The following ELP1 variants were observed in gnomAD, a reference collection of about 807,000 sequenced individuals.
ELP1 encodes elongator complex protein 1.
In ELP1, 131 loss-of-function variants were observed where a neutral mutation model predicts 183.2. The observed-to-expected ratio is 0.72, with a 90% CI of 0.62 to 0.83. ELP1 has a LOEUF of 0.83. Ranked by LOEUF, ELP1 falls within the 40% of genes least tolerant of loss-of-function variation. The pLI is 0.00. For synonymous variants in ELP1, 555 were observed against 569.0 expected (o/e 0.98, Z 0.35); for missense variants, 1,550 against 1,594.9 (o/e 0.97, Z 0.48).
At chr9:108,917,483 A>C in intron 9 of ELP1, 64 bp downstream of exon 9, 2 of 1,552,568 alleles carry the variant, frequency 1.3e-6, no homozygotes, top group Non-Finnish European at 1.8e-6. Flanking sequence ...AAAAAAAAAA[A>C]AATTCCCTCT....
At chr9:108,923,360 C>G (rs1829722850) in intron 5 of ELP1, among the ~76,000 whole-genome samples, 1 of 151,476 alleles carries the variant, frequency 6.6e-6, no homozygotes, top group Non-Finnish European at 1.5e-5. Context: ...GGTAACACAG[C>G]GAGACCCCCA....
chr9:108,870,620 C>T (rs185335951), intron 36 of ELP1, among the ~76,000 whole-genome samples: 1 of 152,108 alleles, frequency 6.6e-6, no homozygotes, highest in Admixed American at 6.5e-5. Flanking sequence ...GAGGTGGGCA[C>T]ACTCAGTGTC....
chr9:108,931,052 G>A lies in ELP1; in HGVS notation c.95C>T (p.Thr32Met), dbSNP rs756305418. Residue 32 changes from threonine to methionine, a missense_variant, in exon 2 of 37, where the codon ACG (threonine) becomes ATG (methionine). By Grantham distance (81) the Thr-to-Met change is moderately conservative. Coordinates refer to ENST00000374647, the MANE Select transcript of ELP1 (RefSeq NM_003640.5). ...GCCATGTTCTGAACCAATGAGCACC[G>A]TCCCCTGTTCAGTTCGGAGAGAGAA... is the stretch of plus-strand genomic sequence containing the variant. ...QCFSLRTEQG[T>M]VLIGSEHGLI... 12 of 1,613,886 alleles carry A rather than the reference G, an allele frequency of 7.4e-6. No individual in the cohort carries two copies. The highest frequency in any genetic ancestry group is 6.7e-5 in the East Asian group (3 of 44,886).
chr9:108,932,888 A>G (rs1830045173), intron 1 of ELP1, among the ~76,000 whole-genome samples: 1 of 152,160 alleles, frequency 6.6e-6, no homozygotes, highest in Non-Finnish European at 1.5e-5. Flanking sequence ...TAAATGTGCT[A>G]AAGATCCCTC....
chr9:108,870,576 G>A (rs1827410835), intron 36 of ELP1, among the ~76,000 whole-genome samples: 1 of 152,120 alleles, frequency 6.6e-6, no homozygotes, highest in African/African-American at 2.4e-5. Context: ...TGGTAGAGAT[G>A]AAACAGGTAG....
intron 35 of ELP1, among the ~76,000 whole-genome samples, chr9:108,877,095 G>A (rs1012961370): frequency 2.0e-5 from 3 of 152,076 alleles, no homozygotes; most frequent in Non-Finnish European, 4.4e-5. Flanking sequence ...ACTTCTGTAC[G>A]CTTGGAACCA....
At chr9:108,875,632 C>A in intron 35 of ELP1, 1 of 332,150 alleles carries the variant, frequency 3.0e-6, no homozygotes, top group Non-Finnish European at 5.8e-6. Flanking sequence ...TGGTGGCTTA[C>A]ACCTGTAATC....
chr9:108,916,215 G>A lies in ELP1; in HGVS notation c.947C>T (p.Pro316Leu), dbSNP rs374814563. 9.4e-5 allele frequency: 151 copies of A among 1,613,762 alleles called. No individual in the cohort carries two copies. Among genetic ancestry groups the A allele is most frequent in the African/African-American group, 6.7e-4 (50 of 75,034 alleles). The change falls in exon 10 of 37, where the codon CCG becomes CTG. Residue 316 changes from proline (P) to leucine (L), a missense_variant. Physicochemically the swap from Pro to Leu is moderately conservative, Grantham distance 98. Coordinates refer to ENST00000374647, the MANE Select transcript of ELP1 (RefSeq NM_003640.5). ...EDLQREESSI[P>L]KTCVQLWTVG... ...TACAGCTGTCTTACCACAGGTTTTC[G>A]GAATGGAGCTTTCTTCTCTCTGAAG...
At position 108,903,633 on chromosome 9, in the gene ELP1, T is replaced by C. The variant is rs1381069076; in HGVS notation, c.1680A>G (p.Leu560=). 7 of 1,613,844 alleles carry C rather than the reference T, an allele frequency of 4.3e-6. No individual in the cohort carries two copies. Among genetic ancestry groups the C allele is most frequent in the Non-Finnish European group, 5.9e-6 (7 of 1,179,952 alleles). Residue 560 remains leucine (L), a synonymous_variant, in exon 15 of 37, where the codon CTA becomes CTG. Coordinates refer to ENST00000374647, the MANE Select transcript of ELP1 (RefSeq NM_003640.5). ...CTGACTTGGTCTTGGAATTGCAACA[T>C]AGACTGATTATGACCCCATCCACCG... ...SAAVDGVIIS[L]CCNSKTKSVV... is the part of the protein sequence containing the mutation.
intron 25 of ELP1, among the ~76,000 whole-genome samples, chr9:108,894,749 T>C (rs2131976565): frequency 6.6e-6 from 1 of 152,324 alleles, no homozygotes; most frequent in Non-Finnish European, 1.5e-5. Context: ...TCTCCTGAAA[T>C]GATCACATTA....
chr9:108,918,638 G>C (rs1475806035), intron 8 of ELP1, among the ~76,000 whole-genome samples, 173 bp downstream of exon 8: 1 of 144,682 alleles, frequency 6.9e-6, no homozygotes, highest in African/African-American at 2.4e-5. Context: ...TCAGACTTCA[G>C]GGAATAAGAA....
At chr9:108,887,517 T>C (rs1036381087) in intron 29 of ELP1, among the ~76,000 whole-genome samples, 3 of 152,218 alleles carry the variant, frequency 2.0e-5, no homozygotes, top group Admixed American at 1.3e-4. Context: ...AGGTCAATTA[T>C]ACAGCCTCCC....
At chr9:108,883,110 A>G (rs1295751493) in intron 29 of ELP1, among the ~76,000 whole-genome samples, 1 of 152,188 alleles carries the variant, frequency 6.6e-6, no homozygotes, top group Non-Finnish European at 1.5e-5. Context: ...CTAACCATCC[A>G]TTGCCAAATC....
intron 6 of ELP1, among the ~76,000 whole-genome samples, chr9:108,921,633 T>G (rs1041457726): frequency 1.3e-5 from 2 of 151,848 alleles, no homozygotes; most frequent in African/African-American, 2.4e-5. Context: ...GAAAACCACT[T>G]GTCCAAAGCT....
intron 6 of ELP1, among the ~76,000 whole-genome samples, chr9:108,921,690 G>C (rs1046803784): frequency 2.6e-5 from 4 of 152,068 alleles, no homozygotes; most frequent in African/African-American, 7.2e-5. Context: ...TTGTGTCTCA[G>C]AGTACTTACT....
intron 29 of ELP1, among the ~76,000 whole-genome samples, chr9:108,888,508 T>C (rs11792254): frequency 0.12 from 18,567 of 152,212 alleles, 1,318 homozygotes; most frequent in African/African-American, 0.15. Flanking sequence ...TGACATCTTA[T>C]CCATTTAATT....
chr9:108,871,844 TA>T (rs1461908713), intron 36 of ELP1, among the ~76,000 whole-genome samples: 1 of 152,218 alleles, frequency 6.6e-6, no homozygotes, highest in African/African-American at 2.4e-5. Flanking sequence ...CAATACAACA[TA>T]AAAAGGTATT....
chr9:108,925,916 T>G (rs1829809595), intron 5 of ELP1, among the ~76,000 whole-genome samples: 1 of 152,302 alleles, frequency 6.6e-6, no homozygotes, highest in African/African-American at 2.4e-5. Context: ...CTAAATGATT[T>G]CTCAGAGTTG....
At chr9:108,876,086 G>A (rs771132037) in intron 35 of ELP1, among the ~76,000 whole-genome samples, 58 of 152,052 alleles carry the variant, frequency 3.8e-4, no homozygotes, top group Non-Finnish European at 7.6e-4. Flanking sequence ...GACCAGCGGG[G>A]ACAACTTGGT....
Sources: allele counts gnomAD v4.1 joint callset (sites outside exome capture counted in the v4.1 genomes callset), GRCh38; gene constraint gnomAD v4.1.1; transcripts MANE v1.5; gene names NCBI Gene and HGNC (gene_info 2026-07-23, HGNC 2026-07-21).